The following FAM193A variants were observed in gnomAD, a reference collection of about 807,000 sequenced individuals.
FAM193A encodes the protein family with sequence similarity 193 member A.
FAM193A carries 22 observed loss-of-function variants against 126.5 expected under a neutral mutation model. The ratio of observed to expected loss-of-function variants is 0.17; its 90% CI spans 0.12 to 0.25. The LOEUF (loss-of-function observed/expected upper bound fraction) is 0.25, where lower values mean the gene tolerates loss of function less well. Among genes scored for constraint, FAM193A ranks in the 10% least tolerant of loss-of-function variants. The probability of loss-of-function intolerance (pLI) is 1.00; values close to 1 mark genes in which losing one functional copy is unlikely to be tolerated. For missense variants in FAM193A, 1,675 were observed against 1,672.8 expected, an observed-to-expected ratio of 1.00 and a Z score of -0.02; for synonymous variants, 761 against 646.8, an observed-to-expected ratio of 1.18 and a Z score of -2.68.
intron 9 of FAM193A, 23 bp downstream of exon 9, chr4:2,659,693 G>A (rs1268701162): frequency 6.2e-7 from 1 of 1,611,374 alleles, no homozygotes; most frequent in Non-Finnish European, 8.5e-7. Flanking sequence ...TGTGGTGTCA[G>A]CACGACTGGC....
chr4:2,699,003 T>G (rs1717353759), intron 18 of FAM193A, among the ~76,000 whole-genome samples: 2 of 152,178 alleles, frequency 1.3e-5, no homozygotes, highest in Non-Finnish European at 2.9e-5. Flanking sequence ...CTTCAAGCGA[T>G]TCTCAAACCT....
At chr4:2,674,155 CATAAG>C (rs925534730) in intron 13 of FAM193A, among the ~76,000 whole-genome samples, 16 of 152,160 alleles carry the variant, frequency 1.1e-4, no homozygotes, top group Admixed American at 4.6e-4. Flanking sequence ...TATGTGGAAA[CATAAG>C]ATACAATTAT....
At chr4:2,657,444 C>T (rs1164828330) in intron 7 of FAM193A, among the ~76,000 whole-genome samples, 2 of 152,154 alleles carry the variant, frequency 1.3e-5, no homozygotes, top group African/African-American at 4.8e-5. Context: ...CTTCGTGTGG[C>T]AGGACCGAGT....
Position 2,723,591 on chromosome 4 carries a change from G to T in FAM193A, c.4454+7487G>T, listed in dbSNP as rs567628411. On this transcript the variant is annotated intron_variant, in intron 20 of 20. Coordinates refer to ENST00000637812, the MANE Select transcript of FAM193A (RefSeq NM_001366318.2). Reference sequence around the variant, plus strand: ...TCCGTCTCAAAAAAAAAAAAAGTTTGAAGTAAAAAAGACTAATTTAGAATT... The same window carrying T: ...TCCGTCTCAAAAAAAAAAAAAGTTTTAAGTAAAAAAGACTAATTTAGAATT... 7.8e-4 allele frequency among the ~76,000 whole-genome samples: 118 copies of T among 151,192 alleles called. 1 individual carries two copies. Among genetic ancestry groups the T allele is most frequent in the African/African-American group, 2.6e-3 (109 of 41,268 alleles).
At chr4:2,719,558 C>T (rs1719891992) in intron 20 of FAM193A, among the ~76,000 whole-genome samples, 1 of 151,986 alleles carries the variant, frequency 6.6e-6, no homozygotes, top group Non-Finnish European at 1.5e-5. Context: ...TCAGCCTGAC[C>T]AACATGGAGA....
At chr4:2,695,289 TA>T (rs1716906481) in intron 17 of FAM193A, 160 bp downstream of exon 17, 3 of 607,958 alleles carry the variant, frequency 4.9e-6, no homozygotes, top group Middle Eastern at 5.7e-4. Context: ...GATTTAGCCA[TA>T]ATGATTTTTT....
chr4:2,604,306 A>G (rs938991513), intron 2 of FAM193A, among the ~76,000 whole-genome samples: 9 of 152,126 alleles, frequency 5.9e-5, no homozygotes, highest in Admixed American at 2.0e-4. Flanking sequence ...CTGGAAAATA[A>G]TGTTTTCTCT....
Position 2,700,255 on chromosome 4 carries a change from A to T in FAM193A, c.4083A>T (p.Thr1361=), listed in dbSNP as rs1577231540. 2 of 1,614,102 alleles carry T rather than the reference A, an allele frequency of 1.2e-6. No individual in the cohort carries two copies. Among genetic ancestry groups the T allele is most frequent in the East Asian group, 2.2e-5 (1 of 44,854 alleles). The change falls in exon 19 of 21, where the codon ACA becomes ACT. Residue 1361 remains threonine (T), a synonymous_variant. Coordinates refer to ENST00000637812, the MANE Select transcript of FAM193A (RefSeq NM_001366318.2). ...ARRPTEPPKA[T]EGQSKPRAQT... ...GGCCCACAGAGCCCCCCAAGGCCAC[A>T]GAGGGGCAGTCCAAGCCCCGGGCCC...
At chr4:2,543,727 G>T (rs1004053405) in intron 1 of FAM193A, among the ~76,000 whole-genome samples, 1 of 151,652 alleles carries the variant, frequency 6.6e-6, no homozygotes, top group East Asian at 1.9e-4. Context: ...GCATGGTGAC[G>T]AGCGCCTGTA....
intron 20 of FAM193A, among the ~76,000 whole-genome samples, chr4:2,721,141 G>A (rs971843559): frequency 2.0e-5 from 3 of 151,750 alleles, no homozygotes; most frequent in South Asian, 2.1e-4. Context: ...GTGAAACCCC[G>A]TCTCTACTAA....
At chr4:2,537,330 C>T (rs1301911954) in intron 1 of FAM193A, among the ~76,000 whole-genome samples, 160 bp downstream of exon 1, 2 of 152,244 alleles carry the variant, frequency 1.3e-5, no homozygotes, top group South Asian at 2.1e-4. Flanking sequence ...GCCGAGGTCC[C>T]GGGGCAGGGC....
At chr4:2,667,728 C>G (rs1024439635) in intron 12 of FAM193A, among the ~76,000 whole-genome samples, 1 of 152,040 alleles carries the variant, frequency 6.6e-6, no homozygotes, top group African/African-American at 2.4e-5. Flanking sequence ...CATTTTTATC[C>G]TGTATATGTC....
intron 1 of FAM193A, among the ~76,000 whole-genome samples, chr4:2,548,883 T>A (rs994894277): frequency 2.6e-5 from 4 of 151,960 alleles, no homozygotes; most frequent in African/African-American, 4.8e-5. Context: ...TTATGAAGAT[T>A]TTTTTCCTTC....
chr4:2,621,472 C>T (rs1742541294), intron 2 of FAM193A, among the ~76,000 whole-genome samples: 1 of 152,194 alleles, frequency 6.6e-6, no homozygotes, highest in Non-Finnish European at 1.5e-5. Flanking sequence ...GACTTAAAAG[C>T]AGAACTTTGA....
At chr4:2,540,803 A>G (rs1468066229) in intron 1 of FAM193A, among the ~76,000 whole-genome samples, 1 of 151,406 alleles carries the variant, frequency 6.6e-6, no homozygotes, top group Non-Finnish European at 1.5e-5. Flanking sequence ...TCTACTAAAA[A>G]TACAAAGAAT....
At chr4:2,620,436 T>C (rs1201673059) in intron 2 of FAM193A, among the ~76,000 whole-genome samples, 1 of 152,056 alleles carries the variant, frequency 6.6e-6, no homozygotes, top group East Asian at 1.9e-4. Context: ...ACACCAGGAT[T>C]TCAGATAGCA....
chr4:2,564,858 G>A (rs1738839254), intron 1 of FAM193A, among the ~76,000 whole-genome samples: 1 of 151,866 alleles, frequency 6.6e-6, no homozygotes, highest in Non-Finnish European at 1.5e-5. Flanking sequence ...CAGGTTGGAG[G>A]GCAGTGGCAC....
At chr4:2,612,093 C>G (rs1560481111) in intron 2 of FAM193A, among the ~76,000 whole-genome samples, 1 of 150,804 alleles carries the variant, frequency 6.6e-6, no homozygotes, top group Non-Finnish European at 1.5e-5. Flanking sequence ...GTCTCGGCCT[C>G]CCAAAGTGCT....
intron 13 of FAM193A, among the ~76,000 whole-genome samples, chr4:2,681,751 A>C (rs1007154246): frequency 6.6e-6 from 1 of 152,170 alleles, no homozygotes; most frequent in African/African-American, 2.4e-5. Flanking sequence ...GGCATGAGCC[A>C]CCACGCCTAT....
Sources: gnomAD v4.1 joint callset for allele counts (sites outside exome capture counted in the v4.1 genomes callset) on GRCh38, gnomAD v4.1.1 for gene constraint, MANE v1.5 for transcripts, NCBI Gene and HGNC (gene_info 2026-07-23, HGNC 2026-07-21) for gene names.